Variants in DCP1A observed in about 807,000 individuals in gnomAD.
DCP1A encodes mRNA-decapping enzyme 1A.
DCP1A carries 20 observed loss-of-function variants against 58.0 expected under a neutral mutation model. The observed-to-expected ratio is 0.34, with a 90% CI of 0.24 to 0.50. The LOEUF (loss-of-function observed/expected upper bound fraction) is 0.50, where lower values mean the gene tolerates loss of function less well. Among genes scored for constraint, DCP1A ranks in the 20% least tolerant of loss-of-function variants. DCP1A has a pLI of 0.98. For missense variants in DCP1A, 613 were observed against 712.2 expected (o/e 0.86, Z 1.59); for synonymous variants, 285 against 275.1 (o/e 1.04, Z -0.36).
rs138967469 is a variant in DCP1A, at chr3:53,330,456, G to T, written c.305-10983C>A. 1.1e-3 allele frequency among the ~76,000 whole-genome samples: 170 copies of T among 151,908 alleles called. 2 individuals carry two copies. Among genetic ancestry groups the T allele is most frequent in the South Asian group, 8.8e-3 (42 of 4,798 alleles). On this transcript the variant is annotated intron_variant, in intron 3 of 9. Coordinates refer to ENST00000610213, the MANE Select transcript of DCP1A (RefSeq NM_018403.7). Reference sequence around the variant, plus strand: ...ACACCTATAGTCCTAGCTACTCAGGGCAGTGGCTGAGGATGGAGGATCATT... The same window carrying T: ...ACACCTATAGTCCTAGCTACTCAGGTCAGTGGCTGAGGATGGAGGATCATT...
rs1246043624 is a variant in DCP1A, at chr3:53,285,616, G to C, written c.*1964C>G. The C allele has an allele frequency of 9.9e-5, 15 of 152,072 alleles. No homozygotes were observed. Among genetic ancestry groups the C allele is most frequent in the Admixed American group, 9.8e-4 (15 of 15,270 alleles). 9.4% of individuals were successfully genotyped at this position (152,072 alleles called of 1,614,324 possible). A position where few individuals can be genotyped will look rare whatever the true frequency, so the allele number is the denominator to read the frequency against. ...TAGCATTAAAGGTGAAAATTAGTAT[G>C]ATCACAGACTCTCTTTAGGATATTC... On this transcript the variant is annotated 3_prime_UTR_variant, in exon 10 of 10. Coordinates refer to ENST00000610213, the MANE Select transcript of DCP1A (RefSeq NM_018403.7).
chr3:53,327,987 G>A (rs1420111581), intron 3 of DCP1A, among the ~76,000 whole-genome samples: 1 of 152,138 alleles, frequency 6.6e-6, no homozygotes, highest in Non-Finnish European at 1.5e-5. Flanking sequence ...GCCGGGCATG[G>A]TGGCGTGTGC....
In DCP1A at chr3:53,322,270, C is replaced by T. The variant is rs544288895; in HGVS notation, c.305-2797G>A. On this transcript the variant is annotated intron_variant, in intron 3 of 9. Coordinates refer to ENST00000610213, the MANE Select transcript of DCP1A (RefSeq NM_018403.7). ...GAGTTCGAGACCACCCTGGCCAACA[C>T]GATGAAACCCGTCTCTACTAAAAAT... is the stretch of plus-strand genomic sequence containing the variant. Among the ~76,000 whole-genome samples, 166 of 151,958 alleles carry T rather than the reference C, an allele frequency of 1.1e-3. 1 individual carries two copies. Among genetic ancestry groups the T allele is most frequent in the Non-Finnish European group, 1.9e-3 (130 of 67,956 alleles).
chr3:53,324,690 T>C (rs1016417298), intron 3 of DCP1A, among the ~76,000 whole-genome samples: 26 of 152,200 alleles, frequency 1.7e-4, no homozygotes, highest in Admixed American at 1.7e-3. Context: ...TGCTAACAGC[T>C]ATCCTAAGTC....
chr3:53,346,315 T>G (rs1459187029), intron 1 of DCP1A, among the ~76,000 whole-genome samples: 1 of 152,218 alleles, frequency 6.6e-6, no homozygotes, highest in Non-Finnish European at 1.5e-5. Flanking sequence ...TCATCTGAAT[T>G]AACTGTTCAT....
intron 5 of DCP1A, among the ~76,000 whole-genome samples, chr3:53,309,164 G>A (rs1361632455): frequency 5.3e-5 from 8 of 152,048 alleles, no homozygotes; most frequent in African/African-American, 1.9e-4. Context: ...GAGGTCAAGA[G>A]ATTGAGACTA....
In DCP1A at chr3:53,330,392, T is replaced by C. The variant is rs1204006894; in HGVS notation, c.305-10919A>G. On this transcript the variant is annotated intron_variant, in intron 3 of 9. Transcript: ENST00000610213. Reference sequence around the variant, plus strand: ...ACAAAAAATTTGCAGAGACCCTATCTCTATTTAAAAGAAAAAAATTTAGCT... The same window carrying C: ...ACAAAAAATTTGCAGAGACCCTATCCCTATTTAAAAGAAAAAAATTTAGCT... Among the ~76,000 whole-genome samples, 3 of 152,060 alleles carry C rather than the reference T, an allele frequency of 2.0e-5. No individual in the cohort carries two copies. The East Asian group carries it at 5.8e-4, about 29-fold the overall frequency.
chr3:53,327,209 C>T (rs2106867717), intron 3 of DCP1A, among the ~76,000 whole-genome samples: 1 of 152,290 alleles, frequency 6.6e-6, no homozygotes. Context: ...AACTTCTACT[C>T]TCCTACACAT....
At chr3:53,290,914 T>C (rs1706843478) in intron 7 of DCP1A, 58 bp from the exon 8 acceptor site, 12 of 1,412,982 alleles carry the variant, frequency 8.5e-6, no homozygotes, top group Non-Finnish European at 1.1e-5. Context: ...TAAGAAGACT[T>C]CCTAGTCTTA....
chr3:53,311,045 C>T (rs1396333754), intron 5 of DCP1A, among the ~76,000 whole-genome samples: 1 of 152,166 alleles, frequency 6.6e-6, no homozygotes, highest in Middle Eastern at 3.2e-3. Context: ...CAGGACCTCT[C>T]AGTTTTGAGC....
intron 8 of DCP1A, 103 bp from the exon 9 acceptor site, chr3:53,288,386 G>T: frequency 1.2e-6 from 1 of 815,866 alleles, no homozygotes; most frequent in Non-Finnish European, 1.9e-6. Flanking sequence ...GAAGAGTGGA[G>T]CACAGAGACA....
At chr3:53,315,254 C>T (rs1553689115) in intron 4 of DCP1A, among the ~76,000 whole-genome samples, 1 of 151,950 alleles carries the variant, frequency 6.6e-6, no homozygotes, top group East Asian at 1.9e-4. Flanking sequence ...AAAAGAGTTT[C>T]TGAGGCCGGG....
chr3:53,341,124 TA>T (rs373114341), intron 3 of DCP1A, among the ~76,000 whole-genome samples: 102 of 146,264 alleles, frequency 7.0e-4, no homozygotes, highest in African/African-American at 1.8e-3. Context: ...ATAAATATCT[TA>T]AAAAAAAAAA....
chr3:53,312,610 C>T (rs1707683679), intron 4 of DCP1A, among the ~76,000 whole-genome samples: 3 of 151,584 alleles, frequency 2.0e-5, no homozygotes, highest in African/African-American at 7.3e-5. Flanking sequence ...ATCCTCCTGC[C>T]TCAGCCTCCG....
At chr3:53,294,006 G>A (rs1707023831) in intron 6 of DCP1A, among the ~76,000 whole-genome samples, 2 of 152,170 alleles carry the variant, frequency 1.3e-5, no homozygotes, top group South Asian at 2.1e-4. Flanking sequence ...GTGAAACTGG[G>A]GAGGGATGAG....
intron 7 of DCP1A, among the ~76,000 whole-genome samples, chr3:53,291,556 A>G (rs995056626): frequency 3.3e-5 from 5 of 151,960 alleles, no homozygotes; most frequent in Non-Finnish European, 5.9e-5. Flanking sequence ...AGAACATGTG[A>G]TATCTGTCCT....
At chr3:53,305,991 A>G (rs1707458303) in intron 5 of DCP1A, among the ~76,000 whole-genome samples, 1 of 152,222 alleles carries the variant, frequency 6.6e-6, no homozygotes, top group Admixed American at 6.5e-5. Context: ...CCGGCATCTG[A>G]TGAACATCAT....
chr3:53,290,313 A>G (rs2106789318), intron 8 of DCP1A, among the ~76,000 whole-genome samples: 1 of 152,322 alleles, frequency 6.6e-6, no homozygotes. Flanking sequence ...GCCACCTGGG[A>G]CATCACAGCT....
intron 8 of DCP1A, among the ~76,000 whole-genome samples, chr3:53,290,332 G>C (rs550995294): frequency 6.6e-6 from 1 of 152,234 alleles, no homozygotes; most frequent in South Asian, 2.1e-4. Context: ...CTCTTCCAGG[G>C]CAGTATTTCC....
Sources: allele counts gnomAD v4.1 joint callset (sites outside exome capture counted in the v4.1 genomes callset), GRCh38; gene constraint gnomAD v4.1.1; transcripts MANE v1.5; gene names NCBI Gene and HGNC (gene_info 2026-07-23, HGNC 2026-07-21).